Variants in IL1RAPL1 observed in about 807,000 individuals in gnomAD.
The protein encoded by IL1RAPL1 is interleukin 1 receptor accessory protein like 1.
IL1RAPL1 carries 3 observed loss-of-function variants against 48.4 expected under a neutral mutation model. The ratio of observed to expected loss-of-function variants is 0.06; its 90% CI spans 0.03 to 0.16. IL1RAPL1 has a LOEUF of 0.16. IL1RAPL1 is among the 10% of genes least tolerant of loss of function. The probability of loss-of-function intolerance (pLI) is 1.00; values close to 1 mark genes in which losing one functional copy is unlikely to be tolerated. For missense variants in IL1RAPL1, 349 were observed against 530.6 expected (o/e 0.66, Z 3.36); for synonymous variants, 185 against 187.7 (o/e 0.99, Z 0.12).
At chrX:29,094,850 A>G (rs1185025181) in intron 2 of IL1RAPL1, among the ~76,000 whole-genome samples, 3 of 105,531 alleles carry the variant, frequency 2.8e-5, no homozygotes, top group Non-Finnish European at 5.8e-5. Context: ...AAAAAAAAAA[A>G]AAAAGAAAAC....
At chrX:29,695,369 A>G (rs774059428) in intron 6 of IL1RAPL1, among the ~76,000 whole-genome samples, 2 of 111,729 alleles carry the variant, frequency 1.8e-5, no homozygotes, top group Admixed American at 1.9e-4. Flanking sequence ...TGTCAGCTAT[A>G]GTTGTACTTT....
At chrX:29,396,506 C>A in intron 4 of IL1RAPL1, 62 bp downstream of exon 4, 1 of 1,038,644 alleles carries the variant, frequency 9.6e-7, no homozygotes, top group Non-Finnish European at 1.4e-6. Context: ...TATTCTGGGA[C>A]AAATTGGATA....
At chrX:29,583,837 A>G (rs1433180574) in intron 5 of IL1RAPL1, among the ~76,000 whole-genome samples, 3 of 111,691 alleles carry the variant, frequency 2.7e-5, no homozygotes, top group Non-Finnish European at 5.6e-5. Flanking sequence ...AAAAGGATAC[A>G]TTGGGCATCA....
Position 29,311,427 on chromosome X carries a change from A to G in IL1RAPL1, c.362+28210A>G, listed in dbSNP as rs771268763. 5.4e-5 allele frequency among the ~76,000 whole-genome samples: 6 copies of G among 112,037 alleles called. No individual in the cohort carries two copies. The South Asian group carries it at 2.2e-3, about 42-fold the overall frequency. Reference sequence around the variant, plus strand: ...CGTTTTCAGGAATACTAGCCTGTCTATGTGCTGCCAAAGCGAGCACAGGAA... The same window carrying G: ...CGTTTTCAGGAATACTAGCCTGTCTGTGTGCTGCCAAAGCGAGCACAGGAA... On this transcript the variant is annotated intron_variant, in intron 3 of 10. Transcript: ENST00000378993.
At chrX:29,540,934 A>T (rs1189812763) in intron 5 of IL1RAPL1, among the ~76,000 whole-genome samples, 1 of 112,109 alleles carries the variant, frequency 8.9e-6, no homozygotes, top group Non-Finnish European at 1.9e-5. Context: ...GACAAGTGGG[A>T]CCTAATTAAA....
intron 3 of IL1RAPL1, among the ~76,000 whole-genome samples, chrX:29,366,347 T>C (rs1933455053): frequency 1.8e-5 from 2 of 110,345 alleles, no homozygotes; most frequent in Non-Finnish European, 3.8e-5. Context: ...TTGGTAATTA[T>C]TTTGTCAGTT....
chrX:29,291,114 T>G (rs1436705926), intron 3 of IL1RAPL1, among the ~76,000 whole-genome samples: 3 of 112,041 alleles, frequency 2.7e-5, no homozygotes. Flanking sequence ...AAGTCAGCTC[T>G]GAGTGTGAAT....
At chrX:28,628,687 C>T (rs1215586267) in intron 1 of IL1RAPL1, among the ~76,000 whole-genome samples, 1 of 112,016 alleles carries the variant, frequency 8.9e-6, no homozygotes, top group South Asian at 3.7e-4. Context: ...GAAAGCAACT[C>T]CAAGTCAAAT....
chrX:29,457,007 G>A (rs1230600959), intron 5 of IL1RAPL1, among the ~76,000 whole-genome samples: 5 of 108,646 alleles, frequency 4.6e-5, no homozygotes, highest in Non-Finnish European at 9.5e-5. Context: ...GGTGGCATGC[G>A]CCTGTGGTCC....
intron 6 of IL1RAPL1, among the ~76,000 whole-genome samples, chrX:29,870,894 A>G (rs1230084006): frequency 8.9e-6 from 1 of 112,235 alleles, no homozygotes; most frequent in Admixed American, 9.4e-5. Context: ...TTGCTGCTGT[A>G]ATAAATTACC....
intron 6 of IL1RAPL1, among the ~76,000 whole-genome samples, chrX:29,823,187 C>T (rs1166493973): frequency 9.0e-6 from 1 of 111,135 alleles, no homozygotes; most frequent in Non-Finnish European, 1.9e-5. Flanking sequence ...TTAATCTAGC[C>T]GCAGTGTGTA....
At chrX:29,559,784 T>C (rs1468207426) in intron 5 of IL1RAPL1, among the ~76,000 whole-genome samples, 1 of 111,867 alleles carries the variant, frequency 8.9e-6, no homozygotes, top group East Asian at 2.8e-4. Flanking sequence ...AAAAGCTCTA[T>C]ACTTTTATTT....
chrX:29,386,307 T>G (rs1241633122), intron 3 of IL1RAPL1, among the ~76,000 whole-genome samples: 1 of 111,252 alleles, frequency 9.0e-6, no homozygotes, highest in Non-Finnish European at 1.9e-5. Context: ...GGATTACAGA[T>G]GTGAGCCACC....
At chrX:28,653,275 G>T (rs1934707208) in intron 1 of IL1RAPL1, among the ~76,000 whole-genome samples, 2 of 111,340 alleles carry the variant, frequency 1.8e-5, no homozygotes, top group African/African-American at 6.5e-5. Flanking sequence ...AGGAGTTGAT[G>T]ACCAGCCTGG....
intron 1 of IL1RAPL1, among the ~76,000 whole-genome samples, chrX:28,665,029 A>C (rs1441260953): frequency 8.9e-6 from 1 of 112,167 alleles, no homozygotes; most frequent in Non-Finnish European, 1.9e-5. Context: ...AAAATAAATA[A>C]TGTCCATTGA....
chrX:29,681,125 T>A (rs1295121824), intron 6 of IL1RAPL1, among the ~76,000 whole-genome samples: 1 of 112,319 alleles, frequency 8.9e-6, no homozygotes, highest in Non-Finnish European at 1.9e-5. Context: ...AAATTTTAAA[T>A]TTATTGTTAA....
At chrX:28,635,693 G>A (rs1412289082) in intron 1 of IL1RAPL1, among the ~76,000 whole-genome samples, 1 of 111,427 alleles carries the variant, frequency 9.0e-6, no homozygotes, top group East Asian at 2.8e-4. Context: ...AGTTTATTGG[G>A]ACACAACCCC....
intron 3 of IL1RAPL1, among the ~76,000 whole-genome samples, chrX:29,322,253 TTCTC>T (rs748706158): frequency 1.0e-4 from 11 of 109,154 alleles, no homozygotes; most frequent in Non-Finnish European, 1.7e-4. Context: ...GTCTTTCTCT[TTCTC>T]TCTCTCTCTC....
At chrX:28,902,172 C>CTTTTTTTT (rs35499387) in intron 2 of IL1RAPL1, among the ~76,000 whole-genome samples, 1 of 101,785 alleles carries the variant, frequency 9.8e-6, no homozygotes. Context: ...CTTCCTTATC[C>CTTTTTTTT]TTTTTTTTTT....
Sources: gnomAD v4.1 joint callset for allele counts (sites outside exome capture counted in the v4.1 genomes callset) on GRCh38, gnomAD v4.1.1 for gene constraint, MANE v1.5 for transcripts, NCBI Gene and HGNC (gene_info 2026-07-23, HGNC 2026-07-21) for gene names.